Variants in MAD1L1 observed in about 807,000 individuals in gnomAD.
The protein encoded by MAD1L1 is mitotic spindle assembly checkpoint protein MAD1.
A neutral mutation model predicts 96.9 loss-of-function variants in MAD1L1; 95 were observed. The ratio of observed to expected loss-of-function variants is 0.98; its 90% confidence interval spans 0.83 to 1.16. MAD1L1 has a LOEUF of 1.16. Among genes scored for constraint, MAD1L1 ranks in the 50% most tolerant of loss-of-function variants. The probability of loss-of-function intolerance (pLI) is 0.00; values close to 1 mark genes in which losing one functional copy is unlikely to be tolerated. For synonymous variants in MAD1L1, 473 were observed against 396.6 expected, an observed-to-expected ratio of 1.19 and a Z score of -2.29; for missense variants, 1,007 against 954.4, an observed-to-expected ratio of 1.06 and a Z score of -0.73.
chr7:2,140,692 G>A (rs529366380), intron 11 of MAD1L1, among the ~76,000 whole-genome samples: 21 of 152,352 alleles, frequency 1.4e-4, no homozygotes, highest in African/African-American at 5.1e-4. Context: ...CCCAACCTCG[G>A]CTGGAAAGCA....
intron 9 of MAD1L1, among the ~76,000 whole-genome samples, chr7:2,215,344 T>G (rs1793208756): frequency 7.0e-6 from 1 of 142,754 alleles, no homozygotes; most frequent in South Asian, 2.2e-4. Context: ...CACCATTGCA[T>G]TCCAGCCTGG....
At chr7:1,878,184 G>C (rs1388665059) in intron 18 of MAD1L1, among the ~76,000 whole-genome samples, 1 of 151,818 alleles carries the variant, frequency 6.6e-6, no homozygotes, top group Non-Finnish European at 1.5e-5. Context: ...AATTTAAAAA[G>C]CTTCCCACAG....
chr7:2,188,711 A>C (rs899750948), intron 10 of MAD1L1, among the ~76,000 whole-genome samples: 9 of 152,180 alleles, frequency 5.9e-5, no homozygotes, highest in African/African-American at 2.2e-4. Context: ...TAAATGTAAG[A>C]CCTAAAACTA....
chr7:1,959,465 C>T (rs1214597288), intron 15 of MAD1L1, among the ~76,000 whole-genome samples: 2 of 152,150 alleles, frequency 1.3e-5, no homozygotes, highest in Admixed American at 6.5e-5. Flanking sequence ...GCTCAACAGA[C>T]ACGAGGCAGC....
At chr7:1,838,627 G>A (rs1158902024) in intron 18 of MAD1L1, 21 of 399,950 alleles carry the variant, frequency 5.3e-5, no homozygotes, top group Admixed American at 3.6e-4. Context: ...TGCAGGTAGC[G>A]GAGTCTAGAG....
chr7:2,009,367 A>G (rs1388044269), intron 13 of MAD1L1, among the ~76,000 whole-genome samples: 1 of 152,196 alleles, frequency 6.6e-6, no homozygotes, highest in African/African-American at 2.4e-5. Flanking sequence ...CAGACCCCAC[A>G]CACGGTACAA....
intron 11 of MAD1L1, among the ~76,000 whole-genome samples, chr7:2,083,811 C>T (rs1174480346): frequency 2.6e-5 from 4 of 152,340 alleles, no homozygotes; most frequent in Middle Eastern, 3.4e-3. Context: ...ACTGCAGGAG[C>T]GCCCGTTCCC....
chr7:1,818,121 CTT>C (rs1436851486), intron 18 of MAD1L1, among the ~76,000 whole-genome samples: 30 of 152,252 alleles, frequency 2.0e-4, no homozygotes, highest in Non-Finnish European at 4.0e-4. Context: ...GCCTTCTGCT[CTT>C]GATTCTGAAT....
chr7:1,864,616 C>G (rs1661127649), intron 18 of MAD1L1, among the ~76,000 whole-genome samples: 1 of 152,238 alleles, frequency 6.6e-6, no homozygotes, highest in East Asian at 1.9e-4. Context: ...GTGCCCTTCC[C>G]CCATGCGGGG....
chr7:2,138,624 C>G (rs764360783), intron 11 of MAD1L1, among the ~76,000 whole-genome samples: 2 of 152,170 alleles, frequency 1.3e-5, no homozygotes, highest in African/African-American at 4.8e-5. Context: ...AAGGCCACAC[C>G]GCCATCGCCT....
At chr7:2,168,224 G>A (rs1790533459) in intron 10 of MAD1L1, among the ~76,000 whole-genome samples, 1 of 152,158 alleles carries the variant, frequency 6.6e-6, no homozygotes, top group South Asian at 2.1e-4. Context: ...GGCAGAGGTT[G>A]CAGTGAGCCG....
chr7:2,222,650 C>A lies in MAD1L1; in HGVS notation c.396G>T (p.Arg132Ser), dbSNP rs752720961. The change falls in exon 5 of 19, where the codon AGG (arginine) becomes AGT (serine). Residue 132 changes from arginine (R) to serine (S), a missense_variant. Transcript: ENST00000265854. ...CAGCATCCAAGTTCTGCTGACACTG[C>A]CTGTTGCGCTCCAGCTGCTCCTGCA... is the stretch of plus-strand genomic sequence containing the variant. ...EKMQEQLERN[R>S]QCQQNLDAAS... 6.2e-7 allele frequency: 1 copy of A among 1,613,232 alleles called. No individual in the cohort carries two copies. The highest frequency in any genetic ancestry group is 8.5e-7 in the Non-Finnish European group (1 of 1,179,894).
intron 16 of MAD1L1, among the ~76,000 whole-genome samples, chr7:1,953,373 C>T (rs1352805471): frequency 3.3e-5 from 5 of 152,190 alleles, no homozygotes; most frequent in African/African-American, 1.2e-4. Flanking sequence ...TTGGCCCCGG[C>T]CACAAACCCC....
At chr7:1,831,674 T>G (rs1048125585) in intron 18 of MAD1L1, among the ~76,000 whole-genome samples, 17 of 152,154 alleles carry the variant, frequency 1.1e-4, no homozygotes, top group African/African-American at 3.1e-4. Context: ...AACGAACACA[T>G]GAATGATAAG....
chr7:2,214,759 C>T (rs564038633), intron 9 of MAD1L1, among the ~76,000 whole-genome samples: 1 of 152,236 alleles, frequency 6.6e-6, no homozygotes, highest in Admixed American at 6.5e-5. Context: ...CGCAACATGA[C>T]TGCAGGATGT....
At chr7:1,975,964 T>C (rs1298806897) in intron 15 of MAD1L1, among the ~76,000 whole-genome samples, 1 of 152,254 alleles carries the variant, frequency 6.6e-6, no homozygotes, top group African/African-American at 2.4e-5. Context: ...CTAGAGCTGC[T>C]ATTTGACAGC....
intron 11 of MAD1L1, among the ~76,000 whole-genome samples, chr7:2,127,680 G>A (rs1393640269): frequency 6.6e-6 from 1 of 152,102 alleles, no homozygotes; most frequent in East Asian, 1.9e-4. Context: ...GAACCCACCT[G>A]CGGAGAGGAG....
chr7:2,051,611 C>T (rs1206597776), intron 12 of MAD1L1, among the ~76,000 whole-genome samples: 5 of 151,706 alleles, frequency 3.3e-5, no homozygotes, highest in African/African-American at 1.2e-4. Context: ...CCTGCATCCG[C>T]CGGGTCACCT....
intron 18 of MAD1L1, among the ~76,000 whole-genome samples, chr7:1,837,232 T>A (rs1782980979): frequency 6.6e-6 from 1 of 152,092 alleles, no homozygotes; most frequent in South Asian, 2.1e-4. Context: ...ATGAGGAAAA[T>A]GCAAATTAAA....
Sources: gnomAD v4.1 joint callset for allele counts (sites outside exome capture counted in the v4.1 genomes callset) on GRCh38, gnomAD v4.1.1 for gene constraint, MANE v1.5 for transcripts, NCBI Gene and HGNC (gene_info 2026-07-23, HGNC 2026-07-21) for gene names.